Variants in DENND1B observed in about 807,000 individuals in gnomAD.
DENND1B encodes DENN domain containing 1B.
In DENND1B, 59 loss-of-function variants were observed where a neutral mutation model predicts 90.1. The observed-to-expected ratio is 0.65, with a 90% CI of 0.53 to 0.81. The LOEUF is 0.81. Ranked by LOEUF, DENND1B falls within the 40% of genes least tolerant of loss-of-function variation. DENND1B has a pLI of 0.00. For synonymous variants in DENND1B, 337 were observed against 324.6 expected, an observed-to-expected ratio of 1.04 and a Z score of -0.41; for missense variants, 862 against 912.6, an observed-to-expected ratio of 0.94 and a Z score of 0.71.
At chr1:197,653,430 T>C (rs565041069) in intron 6 of DENND1B, among the ~76,000 whole-genome samples, 7 of 152,246 alleles carry the variant, frequency 4.6e-5, no homozygotes, top group African/African-American at 1.7e-4. Context: ...ACAAAGTTCT[T>C]ATAGGTATAA....
At chr1:197,536,137 ATT>A (rs1375727788) in intron 20 of DENND1B, among the ~76,000 whole-genome samples, 2,094 of 125,648 alleles carry the variant, frequency 0.017, 49 homozygotes, top group African/African-American at 0.054. Context: ...AGAGAGAGAG[ATT>A]GAGAGAGAGA....
At chr1:197,547,166 G>T (rs531507400) in intron 16 of DENND1B, among the ~76,000 whole-genome samples, 1 of 152,236 alleles carries the variant, frequency 6.6e-6, no homozygotes, top group East Asian at 1.9e-4. Context: ...TACTTGAAAG[G>T]CTGTGGCCAG....
chr1:197,763,992 G>C (rs1405690693), intron 2 of DENND1B, among the ~76,000 whole-genome samples: 4 of 152,196 alleles, frequency 2.6e-5, no homozygotes, highest in Non-Finnish European at 5.9e-5. Context: ...TGGTGTTTAA[G>C]CTCTTCTTCT....
intron 16 of DENND1B, among the ~76,000 whole-genome samples, chr1:197,549,492 A>T (rs1397310857): frequency 3.3e-5 from 5 of 152,178 alleles, no homozygotes; most frequent in Non-Finnish European, 7.4e-5. Context: ...TCCTCATAAA[A>T]TGAATCTGAA....
intron 20 of DENND1B, 51 bp from the exon 21 acceptor site, chr1:197,513,004 T>C: frequency 1.4e-6 from 2 of 1,476,384 alleles, no homozygotes; most frequent in Non-Finnish European, 1.8e-6. Flanking sequence ...AAAATAAGTC[T>C]CTTTAGCAAA....
At position 197,518,046 on chromosome 1, in the gene DENND1B, C is replaced by T. The variant is rs116889225; in HGVS notation, c.1516-5093G>A. ...TATGCCATTACATTCTCTCTCCCAC[C>T]GTACAGTAGGCTTTTGAGGGCAGAC... On this transcript the variant is annotated intron_variant, in intron 20 of 22. Coordinates refer to ENST00000620048, the MANE Select transcript of DENND1B (RefSeq NM_001195215.2). 6.9e-4 allele frequency among the ~76,000 whole-genome samples: 105 copies of T among 151,952 alleles called. No homozygotes were observed. In the East Asian group the frequency reaches 0.02, roughly 29 times the overall value.
rs11806385 is a variant in DENND1B at position 197,579,918 on chromosome 1, G to A, written c.1149+3234C>T. 5.9e-3 allele frequency among the ~76,000 whole-genome samples: 896 copies of A among 151,728 alleles called. 12 individuals carry two copies. Among genetic ancestry groups the A allele is most frequent in the African/African-American group, 0.02 (838 of 41,368 alleles). On this transcript the variant is annotated intron_variant, in intron 15 of 22. Coordinates refer to ENST00000620048, the MANE Select transcript of DENND1B (RefSeq NM_001195215.2). Reference sequence around the variant, plus strand: ...AGTTTTTCTTCTCTGAACATTTTAAGGCTTGTTTCTTCTTTCAACATGTTA... The same window carrying A: ...AGTTTTTCTTCTCTGAACATTTTAAAGCTTGTTTCTTCTTTCAACATGTTA...
At chr1:197,736,007 A>G in intron 2 of DENND1B, 1 of 1,019,662 alleles carries the variant, frequency 9.8e-7, no homozygotes, top group Non-Finnish European at 1.5e-6. Context: ...GTATCTAAAA[A>G]CACTGCAATG....
chr1:197,777,147 T>C (rs944193489), upstream of DENND1B, among the ~76,000 whole-genome samples: 3 of 152,206 alleles, frequency 2.0e-5, no homozygotes, highest in African/African-American at 7.2e-5. Flanking sequence ...CAACTGTTAC[T>C]GAATTTCTCA....
intron 3 of DENND1B, among the ~76,000 whole-genome samples, chr1:197,696,366 T>A (rs1342007489): frequency 6.6e-6 from 1 of 151,600 alleles, no homozygotes; most frequent in African/African-American, 2.4e-5. Context: ...ATGTAACATA[T>A]GCACTTTTCT....
chr1:197,678,353 T>C (rs1278910140), intron 3 of DENND1B, among the ~76,000 whole-genome samples: 1 of 152,206 alleles, frequency 6.6e-6, no homozygotes, highest in East Asian at 1.9e-4. Flanking sequence ...TCTGTAATTT[T>C]ATTTCATATG....
chr1:197,656,068 G>T (rs570514354), intron 6 of DENND1B, among the ~76,000 whole-genome samples: 2 of 152,234 alleles, frequency 1.3e-5, no homozygotes, highest in African/African-American at 4.8e-5. Context: ...CTAAGAAAAA[G>T]AGGAGACTAT....
chr1:197,549,741 T>A (rs1371716409), intron 16 of DENND1B, among the ~76,000 whole-genome samples: 1 of 152,086 alleles, frequency 6.6e-6, no homozygotes, highest in East Asian at 1.9e-4. Flanking sequence ...TAAGTTAAAA[T>A]TTTCCTTTTA....
intron 13 of DENND1B, among the ~76,000 whole-genome samples, chr1:197,599,902 A>T (rs976065912): frequency 6.6e-6 from 1 of 151,898 alleles, no homozygotes; most frequent in African/African-American, 2.4e-5. Flanking sequence ...AAGGTCTTTA[A>T]CAAGAACTAC....
At chr1:197,528,475 G>A (rs1228946894) in intron 20 of DENND1B, among the ~76,000 whole-genome samples, 1 of 152,064 alleles carries the variant, frequency 6.6e-6, no homozygotes, top group African/African-American at 2.4e-5. Context: ...AATACATAAA[G>A]ATCCAAAAAG....
intron 2 of DENND1B, chr1:197,757,246 T>C (rs1654427511): frequency 6.6e-6 from 1 of 152,186 alleles, no homozygotes; most frequent in Non-Finnish European, 1.5e-5. Context: ...GTGGTTCAAC[T>C]GGAACTCCAA....
At chr1:197,741,280 G>T (rs1257232537) in intron 2 of DENND1B, among the ~76,000 whole-genome samples, 3 of 152,032 alleles carry the variant, frequency 2.0e-5, no homozygotes, top group African/African-American at 7.3e-5. Flanking sequence ...TAATTCATGT[G>T]CATATTCCAA....
In DENND1B at chr1:197,735,487, A is replaced by G. The variant is rs117523844; in HGVS notation, c.83-20413T>C. ...TTTCCTTTGTTAGAAGAAGTGATCT[A>G]AAGTTTTGCTTAACAGTTTATGTTT... is the stretch of plus-strand genomic sequence containing the variant. On this transcript the variant is annotated intron_variant, in intron 2 of 22. Coordinates refer to ENST00000620048, the MANE Select transcript of DENND1B (RefSeq NM_001195215.2). 901 of 1,568,636 alleles carry G rather than the reference A, an allele frequency of 5.7e-4. 10 individuals are homozygous for G. The East Asian group carries it at 0.02, about 34-fold the overall frequency.
chr1:197,548,550 C>T (rs1670983654), intron 16 of DENND1B, among the ~76,000 whole-genome samples: 2 of 151,952 alleles, frequency 1.3e-5, no homozygotes, highest in Admixed American at 1.3e-4. Context: ...AAATAATTTG[C>T]CAAAATAGAA....
Sources: allele counts gnomAD v4.1 joint callset (sites outside exome capture counted in the v4.1 genomes callset), GRCh38; gene constraint gnomAD v4.1.1; transcripts MANE v1.5; gene names NCBI Gene and HGNC (gene_info 2026-07-23, HGNC 2026-07-21).